Variants in ZMYM2 observed in about 807,000 individuals in gnomAD.
ZMYM2 encodes zinc finger MYM-type containing 2.
Under a neutral mutation model 162.8 loss-of-function variants are expected in ZMYM2, and 56 were observed. The ratio of observed to expected loss-of-function variants is 0.34; its 90% CI spans 0.28 to 0.43. The LOEUF is 0.43. Among genes scored for constraint, ZMYM2 ranks in the 20% least tolerant of loss-of-function variants. The pLI is 1.00. For missense variants in ZMYM2, 1,275 were observed against 1,621.8 expected (o/e 0.79, Z 3.67); for synonymous variants, 510 against 541.6 (o/e 0.94, Z 0.81).
chr13:19,868,462 T>C, the ZMYM2 span, among the ~76,000 whole-genome samples: 7 of 152,342 alleles, frequency 4.6e-5, no homozygotes, highest in Admixed American at 3.3e-4. Context: ...GTTGCCTACA[T>C]TTCTTGACCC....
At chr13:19,951,211 A>G in the ZMYM2 span, among the ~76,000 whole-genome samples, 7 of 152,160 alleles carry the variant, frequency 4.6e-5, no homozygotes, top group Non-Finnish European at 8.8e-5. Context: ...CACAGGTACC[A>G]ACAGCAAAAG....
At chr13:20,018,660 C>G (rs1181295614) in intron 6 of ZMYM2, among the ~76,000 whole-genome samples, 9 of 152,194 alleles carry the variant, frequency 5.9e-5, no homozygotes, top group African/African-American at 2.2e-4. Flanking sequence ...AGTAGTTTTC[C>G]TTTTCTAGCA....
chr13:20,009,373 G>T (rs1219185977), intron 6 of ZMYM2, among the ~76,000 whole-genome samples: 4 of 152,140 alleles, frequency 2.6e-5, no homozygotes, highest in African/African-American at 9.7e-5. Flanking sequence ...GCATAAAAAG[G>T]ACGGAAAGTA....
rs751701919 is a variant in ZMYM2 at position 20,061,269 on chromosome 13, GTTAT to G, written c.2911+50_2911+53del. ...ACCTTGCGAATAAGTGTTAACATTGGTTATTTATAAGTATTGTTACAGTACTTTC... is the reference window on the plus strand; with the variant it reads ...ACCTTGCGAATAAGTGTTAACATTGGTTATAAGTATTGTTACAGTACTTTC... On this transcript the variant is annotated intron_variant, in intron 17 of 24. Transcript: ENST00000610343. The G allele has an allele frequency of 5.1e-6, 8 of 1,581,164 alleles. No homozygotes were observed. In the East Asian group the frequency reaches 1.8e-4, roughly 36 times the overall value.
chr13:20,002,858 A>C lies in ZMYM2; in HGVS notation c.856A>C (p.Ile286Leu). Residue 286 changes from isoleucine to leucine, a missense_variant, in exon 4 of 25, where the codon ATC becomes CTC. This residue lies in a region of ZMYM2 where 115 missense variants were observed against 175.3 expected (regional missense o/e 0.66). Coordinates refer to ENST00000610343, the MANE Select transcript of ZMYM2 (RefSeq NM_197968.4). ...TGCATTTTGTTTTTAAGATTCTTGG[A>C]TCTCCCAGTCAGCTTCATTTCCCCG... is the stretch of plus-strand genomic sequence containing the variant. The part of the protein sequence containing the change: ...SATHHNPDSW[I>L]SQSASFPRNQ... The C allele has an allele frequency of 1.2e-6, 2 of 1,611,918 alleles. No homozygotes were observed. The highest frequency in any genetic ancestry group is 1.7e-6 in the Non-Finnish European group (2 of 1,178,448).
At chr13:19,873,326 C>T in the ZMYM2 span, among the ~76,000 whole-genome samples, 2 of 152,110 alleles carry the variant, frequency 1.3e-5, no homozygotes, top group Non-Finnish European at 2.9e-5. Flanking sequence ...TTCCCTCTCT[C>T]ATGACACTGA....
chr13:20,003,980 G>A (rs953832852), intron 4 of ZMYM2, among the ~76,000 whole-genome samples: 3 of 152,054 alleles, frequency 2.0e-5, no homozygotes, highest in African/African-American at 7.2e-5. Context: ...TAGCTTCACT[G>A]GTTAAAAATA....
chr13:19,957,160 G>A (rs1954578048), upstream of ZMYM2, among the ~76,000 whole-genome samples: 1 of 151,714 alleles, frequency 6.6e-6, no homozygotes, highest in African/African-American at 2.4e-5. Flanking sequence ...TTTTTAATGA[G>A]TGAATGAATT....
At chr13:20,009,529 A>G (rs183546378) in intron 6 of ZMYM2, among the ~76,000 whole-genome samples, 8 of 152,310 alleles carry the variant, frequency 5.3e-5, no homozygotes, top group Admixed American at 3.3e-4. Flanking sequence ...CTTTTTCATC[A>G]TGCCATACAA....
chr13:19,920,426 A>G, the ZMYM2 span, among the ~76,000 whole-genome samples: 1 of 151,830 alleles, frequency 6.6e-6, no homozygotes, highest in Non-Finnish European at 1.5e-5. Flanking sequence ...CTATTTCTTC[A>G]AGGGAAGGCA....
chr13:20,000,669 T>G (rs1287354171), intron 3 of ZMYM2, among the ~76,000 whole-genome samples: 1 of 152,232 alleles, frequency 6.6e-6, no homozygotes, highest in African/African-American at 2.4e-5. Flanking sequence ...AATGATTCCT[T>G]TTAAACTATT....
the ZMYM2 span, among the ~76,000 whole-genome samples, chr13:19,884,805 C>G: frequency 3.9e-5 from 6 of 152,092 alleles, no homozygotes; most frequent in Non-Finnish European, 8.8e-5. Context: ...AAATCTTCAA[C>G]AAGCCATACA....
intron 19 of ZMYM2, among the ~76,000 whole-genome samples, 162 bp downstream of exon 19, chr13:20,064,707 CTATTTATTACTAT>C (rs939172619): frequency 1.4e-5 from 2 of 142,422 alleles, no homozygotes; most frequent in Admixed American, 7.0e-5. Context: ...TATATTACTG[CTATTTATTACTAT>C]TATTTATTAC....
chr13:20,034,290 G>A lies in ZMYM2; in HGVS notation c.2005G>A (p.Asp669Asn), dbSNP rs1953476893. The A allele has an allele frequency of 6.2e-7, 1 of 1,608,774 alleles. No homozygotes were observed. The highest frequency in any genetic ancestry group is 8.5e-7 in the Non-Finnish European group (1 of 1,178,008). ...TCAGTTCTGCAGCAAAACTTGTTCA[G>A]ATGACTATAAGAAGTTGCATTGCAT... ...VHQFCSKTCS[D>N]DYKKLHCIVT... The change falls in exon 11 of 25, where the codon GAT becomes AAT. Residue 669 changes from aspartate (D) to asparagine (N), a missense_variant. Around this residue, in one of 10 missense-constraint regions of ZMYM2, gnomAD observed 276 missense variants for 311.8 expected, o/e 0.89. Coordinates refer to ENST00000610343, the MANE Select transcript of ZMYM2 (RefSeq NM_197968.4).
At chr13:19,953,891 A>G (rs1954470423), upstream of ZMYM2, among the ~76,000 whole-genome samples, 1 of 151,692 alleles carries the variant, frequency 6.6e-6, no homozygotes, top group Admixed American at 6.6e-5. Context: ...ATTTAAAAAG[A>G]AGGGCTAAAA....
At chr13:20,014,758 T>G (rs1047591444) in intron 6 of ZMYM2, among the ~76,000 whole-genome samples, 4 of 141,466 alleles carry the variant, frequency 2.8e-5, no homozygotes, top group Admixed American at 2.3e-4. Flanking sequence ...GTTATTTACT[T>G]TAGGTTTTTT....
chr13:19,878,578 G>A, the ZMYM2 span, among the ~76,000 whole-genome samples: 2 of 143,920 alleles, frequency 1.4e-5, no homozygotes, highest in Non-Finnish European at 3.0e-5. Context: ...CTGGAGTACA[G>A]TGGCACCATC....
intron 6 of ZMYM2, among the ~76,000 whole-genome samples, chr13:20,010,865 T>C (rs1951115927): frequency 6.6e-6 from 1 of 152,174 alleles, no homozygotes; most frequent in Admixed American, 6.5e-5. Flanking sequence ...GGTCTCAAAC[T>C]CCTGACATCG....
the ZMYM2 span, among the ~76,000 whole-genome samples, chr13:19,933,580 A>G: frequency 6.6e-6 from 1 of 152,112 alleles, no homozygotes; most frequent in Admixed American, 6.6e-5. Flanking sequence ...ATTAATTAGT[A>G]TTTTGGGGAT....
Sources: gnomAD v4.1 joint callset for allele counts (sites outside exome capture counted in the v4.1 genomes callset) on GRCh38, gnomAD v4.1.1 for gene constraint, gnomAD v4.1.1 regional missense constraint, MANE v1.5 for transcripts, NCBI Gene and HGNC (gene_info 2026-07-23, HGNC 2026-07-21) for gene names.